Variants in KCNH1 observed in about 807,000 individuals in gnomAD.
KCNH1 encodes the protein potassium voltage-gated channel subfamily H member 1.
A neutral mutation model predicts 69.2 loss-of-function variants in KCNH1; 27 were observed. That is an observed-to-expected ratio of 0.39 (90% confidence interval 0.29 to 0.54). The LOEUF (loss-of-function observed/expected upper bound fraction) is 0.54, where lower values mean the gene tolerates loss of function less well. Ranked by LOEUF, KCNH1 falls within the 20% of genes least tolerant of loss-of-function variation. The pLI is 0.68. For synonymous variants in KCNH1, 456 were observed against 487.7 expected, an observed-to-expected ratio of 0.93 and a Z score of 0.86; for missense variants, 798 against 1,261.6, an observed-to-expected ratio of 0.63 and a Z score of 5.57.
At chr1:211,130,215 A>T (rs1691851405) in intron 1 of KCNH1, among the ~76,000 whole-genome samples, 1 of 152,244 alleles carries the variant, frequency 6.6e-6, no homozygotes, top group African/African-American at 2.4e-5. Flanking sequence ...TGACATGACC[A>T]TAAGCAAAAT....
intron 5 of KCNH1, among the ~76,000 whole-genome samples, chr1:211,081,294 C>T (rs1571631523): frequency 6.6e-6 from 1 of 152,082 alleles, no homozygotes. Context: ...GTTAGAATGG[C>T]GATCATTAAA....
At chr1:210,981,093 T>C (rs185084308) in intron 6 of KCNH1, among the ~76,000 whole-genome samples, 1 of 152,148 alleles carries the variant, frequency 6.6e-6, no homozygotes, top group Admixed American at 6.6e-5. Context: ...CAAAACCATT[T>C]CATGAAAGGG....
At chr1:210,791,090 A>G (rs947504197) in intron 9 of KCNH1, among the ~76,000 whole-genome samples, 2 of 151,962 alleles carry the variant, frequency 1.3e-5, no homozygotes, top group African/African-American at 4.8e-5. Context: ...CAGAGCTACT[A>G]CTCTAGGCCT....
chr1:211,010,368 A>C (rs1689371646), intron 6 of KCNH1, among the ~76,000 whole-genome samples: 2 of 152,072 alleles, frequency 1.3e-5, no homozygotes, highest in African/African-American at 4.8e-5. Flanking sequence ...AAAAACAAAA[A>C]TCAGATGAGA....
chr1:210,715,262 T>C (rs951770342), intron 10 of KCNH1, among the ~76,000 whole-genome samples: 2 of 152,200 alleles, frequency 1.3e-5, no homozygotes, highest in African/African-American at 2.4e-5. Flanking sequence ...ACTCAGGCAC[T>C]TGAGTGAGCC....
At chr1:211,087,639 G>A (rs12731574) in intron 4 of KCNH1, among the ~76,000 whole-genome samples, 15,082 of 140,230 alleles carry the variant, frequency 0.11, 1,033 homozygotes, top group Non-Finnish European at 0.16. Context: ...ACACACACAC[G>A]CACACACACA....
chr1:210,845,113 G>A (rs1352570811), intron 7 of KCNH1, among the ~76,000 whole-genome samples: 2 of 152,112 alleles, frequency 1.3e-5, no homozygotes, highest in Non-Finnish European at 2.9e-5. Context: ...AAAAGTCCAG[G>A]ACCAGATGGA....
chr1:210,908,061 A>G (rs6656271), intron 7 of KCNH1, among the ~76,000 whole-genome samples: 46,596 of 152,096 alleles, frequency 0.31, 7,814 homozygotes, highest in East Asian at 0.68. Flanking sequence ...GCCCACCGCA[A>G]AGGCAGATGA....
chr1:211,073,753 T>C (rs1411530229), intron 5 of KCNH1, among the ~76,000 whole-genome samples: 5 of 151,714 alleles, frequency 3.3e-5, no homozygotes, highest in East Asian at 3.9e-4. Flanking sequence ...ATGCATATAC[T>C]AGAAAAGAAA....
At chr1:211,025,107 A>T (rs1393029) in intron 5 of KCNH1, among the ~76,000 whole-genome samples, 114,789 of 152,070 alleles carry the variant, frequency 0.75, 43,764 homozygotes, top group East Asian at 0.89. Context: ...GGTTTCATCC[A>T]CATTAGTCAA....
chr1:210,767,180 G>A (rs1038520861), intron 10 of KCNH1, among the ~76,000 whole-genome samples: 79 of 152,186 alleles, frequency 5.2e-4, no homozygotes, highest in Admixed American at 2.6e-4. Context: ...TTGCAAGGAG[G>A]GACTTTGAAG....
At chr1:210,748,596 A>G (rs996139600) in intron 10 of KCNH1, among the ~76,000 whole-genome samples, 2 of 152,142 alleles carry the variant, frequency 1.3e-5, no homozygotes, top group Admixed American at 6.5e-5. Flanking sequence ...ATCAAAATAC[A>G]TTGCTCCCCT....
At position 211,133,339 on chromosome 1, in the gene KCNH1, T is replaced by C. The variant is rs1024401467; in HGVS notation, c.79+528A>G. On this transcript the variant is annotated intron_variant, in intron 1 of 10. Coordinates refer to ENST00000271751, the MANE Select transcript of KCNH1 (RefSeq NM_172362.3). The surrounding 1 kb of genome is among the most constrained non-coding windows in gnomAD (Gnocchi z 5.4). Reference sequence around the variant, plus strand: ...GTGGAATCAGGCCGCCGAGAGCACGTCCCGACACCTCGGACTTTTCAGTTG... The same window carrying C: ...GTGGAATCAGGCCGCCGAGAGCACGCCCCGACACCTCGGACTTTTCAGTTG... The C allele has an allele frequency of 6.6e-6, 1 of 152,144 alleles. No individual in the cohort carries two copies. 9.4% of individuals were successfully genotyped at this position (152,144 alleles called of 1,614,324 possible). A position where few individuals can be genotyped will look rare whatever the true frequency, so the allele number is the denominator to read the frequency against.
intron 3 of KCNH1, 84 bp downstream of exon 3, chr1:211,103,412 A>C: frequency 1.1e-6 from 1 of 882,684 alleles, no homozygotes; most frequent in Non-Finnish European, 1.8e-6. Context: ...AGAGAAGAAA[A>C]ACCAAGACAG....
At chr1:211,031,322 G>A (rs1024480495) in intron 5 of KCNH1, among the ~76,000 whole-genome samples, 1 of 152,160 alleles carries the variant, frequency 6.6e-6, no homozygotes, top group African/African-American at 2.4e-5. Flanking sequence ...GTACAAGGAG[G>A]AGCTGGTACC....
chr1:210,865,643 A>G (rs1344346018), intron 7 of KCNH1, among the ~76,000 whole-genome samples: 1 of 152,252 alleles, frequency 6.6e-6, no homozygotes, highest in Non-Finnish European at 1.5e-5. Flanking sequence ...TATGTAAGGA[A>G]AGACTTTGAA....
At chr1:210,859,362 C>T (rs1685924633) in intron 7 of KCNH1, 1 of 1,526,240 alleles carries the variant, frequency 6.6e-7, no homozygotes, top group Non-Finnish European at 9.1e-7. Context: ...GACCCTGATC[C>T]CACACAGGAT....
chr1:210,800,535 A>G (rs1684406993), intron 8 of KCNH1, among the ~76,000 whole-genome samples: 1 of 152,220 alleles, frequency 6.6e-6, no homozygotes, highest in East Asian at 1.9e-4. Context: ...AATGGAGAGT[A>G]CAGTGTGAGC....
chr1:210,864,447 G>A (rs183699437), intron 7 of KCNH1, among the ~76,000 whole-genome samples: 35 of 152,332 alleles, frequency 2.3e-4, no homozygotes, highest in Admixed American at 1.0e-3. Context: ...AAGTGGGGAA[G>A]CGAGAAAACA....
Sources: allele counts gnomAD v4.1 joint callset (sites outside exome capture counted in the v4.1 genomes callset), GRCh38; gene constraint gnomAD v4.1.1; non-coding constraint Gnocchi (gnomAD v3.1); transcripts MANE v1.5; gene names NCBI Gene and HGNC (gene_info 2026-07-23, HGNC 2026-07-21).